The following DNAH9 variants were observed in gnomAD, a reference collection of about 807,000 sequenced individuals.
DNAH9 encodes DNAH9 variant protein.
Under a neutral mutation model 471.6 loss-of-function variants are expected in DNAH9, and 345 were observed. The observed-to-expected ratio is 0.73, with a 90% CI of 0.67 to 0.80. The LOEUF is 0.80. Ranked by LOEUF, DNAH9 falls within the 30% of genes least tolerant of loss-of-function variation. The pLI, the probability that DNAH9 is intolerant of heterozygous loss-of-function variation, is 0.00. For missense variants in DNAH9, 5,407 were observed against 5,609.2 expected, an observed-to-expected ratio of 0.96 and a Z score of 1.15; for synonymous variants, 2,093 against 2,123.6, an observed-to-expected ratio of 0.99 and a Z score of 0.40.
chr17:11,793,712 T>A, intron 42 of DNAH9, 48 bp downstream of exon 42: 2 of 1,376,474 alleles, frequency 1.5e-6, no homozygotes, highest in Non-Finnish European at 2.0e-6. Context: ...AAAAAAAAGA[T>A]AATTATACAG....
intron 48 of DNAH9, among the ~76,000 whole-genome samples, chr17:11,832,503 A>C (rs1970713528): frequency 6.6e-6 from 1 of 152,262 alleles, no homozygotes; most frequent in Admixed American, 6.5e-5. Context: ...GAACAACAGG[A>C]GATGGAAATG....
chr17:11,809,516 G>A (rs1311604607), intron 44 of DNAH9, among the ~76,000 whole-genome samples: 3 of 152,044 alleles, frequency 2.0e-5, no homozygotes, highest in Admixed American at 6.6e-5. Flanking sequence ...GCAGTGAGCC[G>A]AGATGGTGCC....
chr17:11,941,717 T>TAGATAGAC (rs2151432550), intron 66 of DNAH9, among the ~76,000 whole-genome samples: 1 of 151,926 alleles, frequency 6.6e-6, no homozygotes, highest in East Asian at 1.9e-4. Context: ...GATAGATAGA[T>TAGATAGAC]AGATAGATAG....
intron 52 of DNAH9, among the ~76,000 whole-genome samples, chr17:11,871,998 T>C (rs2150986464): frequency 6.6e-6 from 1 of 152,146 alleles, no homozygotes; most frequent in South Asian, 2.1e-4. Context: ...GCAGCACCTC[T>C]CCTCTGAATG....
At chr17:11,757,444 G>A (rs1420612243) in intron 34 of DNAH9, 101 bp from the exon 35 acceptor site, 1 of 1,140,230 alleles carries the variant, frequency 8.8e-7, no homozygotes, top group East Asian at 2.4e-5. Context: ...TTTCAGTCCA[G>A]TCTTCTGTAC....
intron 19 of DNAH9, among the ~76,000 whole-genome samples, chr17:11,683,929 A>T (rs2074185632): frequency 6.6e-6 from 1 of 152,192 alleles, no homozygotes; most frequent in Admixed American, 6.5e-5. Flanking sequence ...ATCTTAGTGG[A>T]TGTCAACTTA....
At chr17:11,736,874 A>G (rs1005741263) in intron 28 of DNAH9, among the ~76,000 whole-genome samples, 6 of 152,206 alleles carry the variant, frequency 3.9e-5, no homozygotes, top group African/African-American at 1.4e-4. Flanking sequence ...TCTTCGCCCA[A>G]AGGTAGCAGA....
Position 11,783,630 on chromosome 17 carries a change from C to T in DNAH9, c.7719-16C>T, listed in dbSNP as rs1343018048. ...GTCCTCAGACACCTTTCACCTAGAG[C>T]TTCTGACTGTTCCAGGTATGATCGG... On this transcript the variant is annotated splice_polypyrimidine_tract_variant and intron_variant, in intron 39 of 68. Coordinates refer to ENST00000262442, the MANE Select transcript of DNAH9 (RefSeq NM_001372.4). 3 of 1,607,350 alleles carry T rather than the reference C, an allele frequency of 1.9e-6. No homozygotes were observed. Among genetic ancestry groups the T allele is most frequent in the Non-Finnish European group, 2.6e-6 (3 of 1,174,444 alleles).
chr17:11,675,013 C>A (rs1175379187), intron 17 of DNAH9, among the ~76,000 whole-genome samples: 1 of 151,906 alleles, frequency 6.6e-6, no homozygotes, highest in African/African-American at 2.4e-5. Context: ...AGAAAAAAAT[C>A]TTTTAGGATT....
intron 30 of DNAH9, among the ~76,000 whole-genome samples, chr17:11,744,129 C>T (rs1346914579): frequency 6.6e-6 from 1 of 152,116 alleles, no homozygotes; most frequent in South Asian, 2.1e-4. Flanking sequence ...CACCTGGCCT[C>T]CTTGGTAGCA....
chr17:11,620,605 A>G (rs1026136954), intron 6 of DNAH9, among the ~76,000 whole-genome samples: 4 of 152,182 alleles, frequency 2.6e-5, no homozygotes, highest in Non-Finnish European at 5.9e-5. Flanking sequence ...AGTTTAGGAA[A>G]TCCTGATCAT....
intron 23 of DNAH9, 84 bp from the exon 24 acceptor site, chr17:11,701,038 T>C: frequency 6.8e-7 from 1 of 1,468,722 alleles, no homozygotes. Context: ...TTTCCTTCAC[T>C]CCCTCAGACT....
intron 52 of DNAH9, among the ~76,000 whole-genome samples, chr17:11,874,694 A>T (rs2150988667): frequency 6.6e-6 from 1 of 152,292 alleles, no homozygotes; most frequent in East Asian, 1.9e-4. Flanking sequence ...TTAGGTAAAG[A>T]TACCGAAAAA....
At chr17:11,742,358 C>T in intron 30 of DNAH9, 45 bp downstream of exon 30, 1 of 1,586,580 alleles carries the variant, frequency 6.3e-7, no homozygotes, top group East Asian at 2.2e-5. Flanking sequence ...CGTGCAACAG[C>T]CCCAGCTCTG....
chr17:11,854,098 G>A lies in DNAH9; in HGVS notation c.9603G>A (p.Arg3201=). The A allele has an allele frequency of 1.2e-6, 2 of 1,614,148 alleles. No individual in the cohort carries two copies. Among genetic ancestry groups the A allele is most frequent in the Non-Finnish European group, 1.7e-6 (2 of 1,180,028 alleles). Residue 3201 remains arginine, a synonymous_variant, in exon 50 of 69, where the codon AGG becomes AGA. Coordinates refer to ENST00000262442, the MANE Select transcript of DNAH9 (RefSeq NM_001372.4). ...AVMVLMAPRG[R]VPKDRSWKAA... The stretch of plus-strand genomic sequence containing the variant: ...TGGTACTGATGGCTCCCAGGGGTAG[G>A]GTGCCCAAGGACCGGAGCTGGAAGG...
chr17:11,888,220 G>C (rs569984618), intron 57 of DNAH9, among the ~76,000 whole-genome samples: 1 of 151,950 alleles, frequency 6.6e-6, no homozygotes, highest in Non-Finnish European at 1.5e-5. Context: ...TCCGGACTTC[G>C]TGATCCGCCC....
intron 59 of DNAH9, among the ~76,000 whole-genome samples, chr17:11,895,703 C>T (rs535748410): frequency 6.6e-6 from 1 of 152,262 alleles, no homozygotes; most frequent in East Asian, 1.9e-4. Flanking sequence ...TACCCAGTTC[C>T]CAATACCTAC....
chr17:11,657,772 T>C (rs2073680487), intron 14 of DNAH9, among the ~76,000 whole-genome samples: 1 of 152,022 alleles, frequency 6.6e-6, no homozygotes, highest in Non-Finnish European at 1.5e-5. Flanking sequence ...ATCTGATTGT[T>C]CCCATACTAT....
intron 32 of DNAH9, among the ~76,000 whole-genome samples, chr17:11,749,851 C>T (rs188514793): frequency 6.6e-6 from 1 of 152,210 alleles, no homozygotes; most frequent in African/African-American, 2.4e-5. Context: ...TAATCCTATA[C>T]TAATGTCATT....
Sources: allele counts gnomAD v4.1 joint callset (sites outside exome capture counted in the v4.1 genomes callset), GRCh38; gene constraint gnomAD v4.1.1; transcripts MANE v1.5; gene names NCBI Gene and HGNC (gene_info 2026-07-23, HGNC 2026-07-21).